Variants in SETBP1 observed in about 807,000 individuals in gnomAD.
SETBP1 encodes the protein SET-binding protein.
SETBP1 carries 9 observed loss-of-function variants against 101.0 expected under a neutral mutation model. The observed-to-expected ratio is 0.09, with a 90% CI of 0.05 to 0.16. SETBP1 has a LOEUF of 0.16. SETBP1 is among the 10% of genes least tolerant of loss of function. The pLI is 1.00. For synonymous variants in SETBP1, 818 were observed against 788.5 expected (o/e 1.04, Z -0.63); for missense variants, 1,858 against 2,033.8 (o/e 0.91, Z 1.66).
chr18:45,009,427 C>T (rs188108488), intron 4 of SETBP1, among the ~76,000 whole-genome samples: 49 of 151,512 alleles, frequency 3.2e-4, no homozygotes, highest in African/African-American at 1.1e-3. Flanking sequence ...ATAACCTCAA[C>T]GAGTGGTTCA....
intron 2 of SETBP1, among the ~76,000 whole-genome samples, chr18:44,867,110 C>T (rs568657108): frequency 1.7e-3 from 256 of 152,302 alleles, no homozygotes; most frequent in Non-Finnish European, 3.1e-3. Flanking sequence ...ACTTAGCTTT[C>T]GTAAGTCTCA....
In SETBP1 at chr18:45,066,662, G is replaced by A. The variant is rs1409963063; in HGVS notation, c.*2964G>A. 7.6e-6 allele frequency: 1 copy of A among 131,724 alleles called. No homozygotes were observed. The highest frequency in any genetic ancestry group is 1.7e-5 in the Non-Finnish European group (1 of 58,406). The allele number at this position is 131,724 out of a possible 1,614,324, so 8.2% of individuals were successfully genotyped here. On this transcript the variant is annotated 3_prime_UTR_variant, in exon 6 of 6. Transcript: ENST00000649279. ...CTGGCCCCCCAACACTGCCTTCTGG[G>A]GGCTGCATTTTTTTTTTTTTTTTGA...
intron 3 of SETBP1, among the ~76,000 whole-genome samples, chr18:44,935,253 C>A (rs1229382728): frequency 6.6e-6 from 1 of 152,124 alleles, no homozygotes; most frequent in Non-Finnish European, 1.5e-5. Context: ...ATTTTCTTGA[C>A]ATTTTAGACT....
intron 3 of SETBP1, among the ~76,000 whole-genome samples, chr18:44,940,155 G>C (rs546691654): frequency 4.1e-4 from 62 of 152,074 alleles, no homozygotes; most frequent in Non-Finnish European, 5.2e-4. Context: ...CTTTTTACTC[G>C]GAAGCCTATT....
chr18:45,037,803 C>T, intron 4 of SETBP1, among the ~76,000 whole-genome samples: 1 of 152,164 alleles, frequency 6.6e-6, no homozygotes, highest in East Asian at 1.9e-4. Context: ...GCTCTCCTTA[C>T]CCTACAGGCT....
In SETBP1 at chr18:44,873,548, G is replaced by A. The variant is rs570525198; in HGVS notation, c.540+4265G>A. Among the ~76,000 whole-genome samples the A allele has an allele frequency of 1.2e-4, 19 of 152,206 alleles. No individual in the cohort carries two copies. In the East Asian group the frequency reaches 1.7e-3, roughly 14 times the overall value. On this transcript the variant is annotated intron_variant, in intron 3 of 5. Transcript: ENST00000649279. ...GTGGTGTTGTACCTGGGCCAGGATG[G>A]GTGAGAAAAAAGTGAGGCAGTGGAC...
intron 2 of SETBP1, among the ~76,000 whole-genome samples, chr18:44,759,224 CATAGTGGTCCATG>C (rs1418595885): frequency 6.6e-6 from 1 of 152,136 alleles, no homozygotes; most frequent in East Asian, 1.9e-4. Flanking sequence ...CGATTTTACC[CATAGTGGTCCATG>C]AGCCGTGAGC....
chr18:44,828,639 G>C (rs909362397), intron 2 of SETBP1, among the ~76,000 whole-genome samples: 3 of 152,204 alleles, frequency 2.0e-5, no homozygotes, highest in African/African-American at 7.2e-5. Flanking sequence ...CTGCTGACTT[G>C]TGCTTTGTAT....
At chr18:45,018,644 T>C (rs78000319) in intron 4 of SETBP1, among the ~76,000 whole-genome samples, 36 of 152,366 alleles carry the variant, frequency 2.4e-4, no homozygotes, top group African/African-American at 8.4e-4. Flanking sequence ...TTTTACTTCA[T>C]TGAAGCCTCA....
intron 3 of SETBP1, chr18:44,870,858 C>T (rs1413676879): frequency 6.6e-6 from 1 of 152,066 alleles, no homozygotes; most frequent in East Asian, 1.9e-4. Flanking sequence ...TGAACACGTT[C>T]TCTCCGTGTT....
intron 2 of SETBP1, among the ~76,000 whole-genome samples, chr18:44,830,285 T>C (rs988145026): frequency 1.3e-5 from 2 of 152,230 alleles, no homozygotes; most frequent in African/African-American, 4.8e-5. Flanking sequence ...ACCAGCATTT[T>C]ACTGAACACA....
chr18:45,010,415 A>G (rs1431689238), intron 4 of SETBP1, among the ~76,000 whole-genome samples: 2 of 152,266 alleles, frequency 1.3e-5, no homozygotes, highest in African/African-American at 4.8e-5. Context: ...GTGCACCCAC[A>G]CACACAAATG....
intron 2 of SETBP1, among the ~76,000 whole-genome samples, chr18:44,813,523 T>A (rs2071908869): frequency 6.6e-6 from 1 of 152,096 alleles, no homozygotes; most frequent in Non-Finnish European, 1.5e-5. Flanking sequence ...GAGCAGGGTG[T>A]CTTCTGTGAG....
chr18:45,001,449 G>A (rs1426985564), intron 4 of SETBP1, among the ~76,000 whole-genome samples: 1 of 152,160 alleles, frequency 6.6e-6, no homozygotes, highest in African/African-American at 2.4e-5. Context: ...AGCCAATACT[G>A]ACTCCCAGTA....
At chr18:44,814,123 T>C (rs369036394) in intron 2 of SETBP1, among the ~76,000 whole-genome samples, 17 of 151,968 alleles carry the variant, frequency 1.1e-4, no homozygotes, top group Non-Finnish European at 2.4e-4. Flanking sequence ...GTAGAGAAAA[T>C]GCACCTAGGC....
At chr18:44,807,154 A>G (rs1232793918) in intron 2 of SETBP1, among the ~76,000 whole-genome samples, 1 of 152,188 alleles carries the variant, frequency 6.6e-6, no homozygotes, top group Admixed American at 6.5e-5. Context: ...ACTTGGCAAT[A>G]TAATGTGAGC....
At chr18:44,704,603 T>C (rs2069180219) in intron 2 of SETBP1, among the ~76,000 whole-genome samples, 1 of 152,212 alleles carries the variant, frequency 6.6e-6, no homozygotes, top group Non-Finnish European at 1.5e-5. Flanking sequence ...TCCTCTGATC[T>C]CTATGGGATG....
At chr18:44,690,607 T>C (rs1028114769) in intron 1 of SETBP1, among the ~76,000 whole-genome samples, 2 of 152,234 alleles carry the variant, frequency 1.3e-5, no homozygotes, top group Non-Finnish European at 2.9e-5. Context: ...TACAGAATAT[T>C]TGAAGACTGG....
chr18:44,975,474 G>A (rs573192532), intron 4 of SETBP1, among the ~76,000 whole-genome samples: 49 of 152,062 alleles, frequency 3.2e-4, no homozygotes, highest in Non-Finnish European at 6.5e-4. Context: ...ACTGAGGTTC[G>A]ATACTCAGTG....
Sources: allele counts gnomAD v4.1 joint callset (sites outside exome capture counted in the v4.1 genomes callset), GRCh38; gene constraint gnomAD v4.1.1; transcripts MANE v1.5; gene names NCBI Gene and HGNC (gene_info 2026-07-23, HGNC 2026-07-21).